ENTPD5: variants seen among roughly 807,000 people sequenced by gnomAD.
The protein encoded by ENTPD5 is nucleoside diphosphate phosphatase ENTPD5.
Under a neutral mutation model 60.2 loss-of-function variants are expected in ENTPD5, and 49 were observed. The observed-to-expected ratio is 0.81, with a 90% CI of 0.65 to 1.03. ENTPD5 has a LOEUF of 1.03. Among genes scored for constraint, ENTPD5 ranks in the 50% least tolerant of loss-of-function variants. The pLI is 0.00. For missense variants in ENTPD5, 480 were observed against 507.6 expected, an observed-to-expected ratio of 0.95 and a Z score of 0.52; for synonymous variants, 187 against 185.4, an observed-to-expected ratio of 1.01 and a Z score of -0.07.
chr14:73,960,112 C>A (rs184295614), downstream of ENTPD5: 2 of 998,778 alleles, frequency 2.0e-6, no homozygotes, highest in Admixed American at 5.4e-5. Flanking sequence ...TTATTTTGAA[C>A]AGTTCTGCTA....
At position 73,963,443 on chromosome 14, in the gene ENTPD5, A is replaced by AAAT; in HGVS notation, c.*3482_*3484dup. On this transcript the variant is annotated 3_prime_UTR_variant, in exon 16 of 16. Coordinates refer to ENST00000334696, the MANE Select transcript of ENTPD5 (RefSeq NM_001249.5). ...AAATGTTAACATCAGAATGCAAATT[A>AAAT]AATATAAATTGCTTTAACCTTTGTT... 2 of 223,844 alleles carry AAAT rather than the reference A, an allele frequency of 8.9e-6. No homozygotes were observed. Among genetic ancestry groups the AAAT allele is most frequent in the Middle Eastern group, 1.7e-3 (1 of 572 alleles). The allele number at this position is 223,844 out of a possible 1,614,324, so 13.9% of individuals were successfully genotyped here.
downstream of ENTPD5, chr14:73,956,007 CA>C (rs753999650): frequency 1.3e-6 from 2 of 1,589,122 alleles, no homozygotes; most frequent in Admixed American, 3.3e-5. Flanking sequence ...ATCTCTTTTA[CA>C]ATATTCAGTG....
chr14:73,974,623 G>A (rs541174009), intron 11 of ENTPD5, among the ~76,000 whole-genome samples: 142 of 152,282 alleles, frequency 9.3e-4, no homozygotes, highest in Non-Finnish European at 1.7e-3. Flanking sequence ...GCTTGAGCAA[G>A]CTCCTGCTGA....
At position 73,973,019 on chromosome 14, in the gene ENTPD5, C is replaced by G. The variant is rs1278772094; in HGVS notation, c.892G>C (p.Val298Leu). 1.2e-6 allele frequency: 2 copies of G among 1,614,124 alleles called. No homozygotes were observed. Among genetic ancestry groups the G allele is most frequent in the Admixed American group, 3.3e-5 (2 of 60,018 alleles). Residue 298 changes from valine to leucine, a missense_variant, in exon 13 of 16, where the codon GTG becomes CTG. Val to Leu is a conservative substitution (Grantham distance 32). Coordinates refer to ENST00000334696, the MANE Select transcript of ENTPD5 (RefSeq NM_001249.5). ...TCGGCATAGCAGGGCTCAAAGCCCA[C>G]CTCCCCTGCCAGGCAAAGGTGCACA... ...YQYGGNQEGE[V>L]GFEPCYAEVL...
At chr14:73,982,926 G>A (rs745383757) in intron 6 of ENTPD5, 92 bp downstream of exon 6, 22 of 1,295,342 alleles carry the variant, frequency 1.7e-5, no homozygotes, top group Non-Finnish European at 2.4e-5. Context: ...GAATACTGAA[G>A]GTAGTGGTCA....
Position 73,965,248 on chromosome 14 carries a change from CT to C in ENTPD5, c.*1679del, listed in dbSNP as rs2056925142. 2 of 152,084 alleles carry C rather than the reference CT, an allele frequency of 1.3e-5. No individual in the cohort carries two copies. The highest frequency in any genetic ancestry group is 1.5e-5 in the Non-Finnish European group (1 of 68,030). The allele number at this position is 152,084 out of a possible 1,614,324, so 9.4% of individuals were successfully genotyped here. On this transcript the variant is annotated 3_prime_UTR_variant, in exon 16 of 16. Transcript: ENST00000334696. ...ATGGACTGTGTGAGGGCCAGGCATA[CT>C]TAACATCCTTTGTGAGAGAGAGGAT...
At chr14:73,983,289 C>T in intron 5 of ENTPD5, 128 bp from the exon 6 acceptor site, 1 of 953,724 alleles carries the variant, frequency 1.0e-6, no homozygotes, top group African/African-American at 1.6e-5. Flanking sequence ...TCTCTCTGCT[C>T]TGTAGCAGGA....
intron 6 of ENTPD5, among the ~76,000 whole-genome samples, chr14:73,982,483 G>A (rs1183650558): frequency 1.3e-5 from 2 of 152,146 alleles, no homozygotes; most frequent in African/African-American, 2.4e-5. Flanking sequence ...TCAGCCAGGT[G>A]CAGCAGCTCA....
At chr14:73,991,574 C>CA (rs1309541403) in intron 3 of ENTPD5, among the ~76,000 whole-genome samples, 2 of 91,270 alleles carry the variant, frequency 2.2e-5, no homozygotes, top group East Asian at 7.2e-4. Flanking sequence ...GAGGACAGAG[C>CA]AAGAATCTGT....
At chr14:73,981,189 A>C (rs2057673574) in intron 6 of ENTPD5, among the ~76,000 whole-genome samples, 1 of 152,036 alleles carries the variant, frequency 6.6e-6, no homozygotes, top group African/African-American at 2.4e-5. Flanking sequence ...TTTGATCTGA[A>C]TAAGAAGGGA....
At position 74,011,092 on chromosome 14, in the gene ENTPD5, A is replaced by G; in HGVS notation, c.-72T>C. 1.2e-6 allele frequency: 1 copy of G among 805,738 alleles called. No homozygotes were observed. The highest frequency in any genetic ancestry group is 1.5e-6 in the Non-Finnish European group (1 of 666,298). The allele number at this position is 805,738 out of a possible 1,614,324, so 49.9% of individuals were successfully genotyped here. A position where few individuals can be genotyped will look rare whatever the true frequency, so the allele number is the denominator to read the frequency against. ...GTATTACTTATATATGTTACTTACC[A>G]ATTTTTTCTTTCCTTCTGAATTTTC... On this transcript the variant is annotated splice_region_variant and 5_prime_UTR_variant, in exon 3 of 16. Transcript: ENST00000334696.
At chr14:73,984,501 G>C (rs904675017) in intron 5 of ENTPD5, among the ~76,000 whole-genome samples, 1 of 152,142 alleles carries the variant, frequency 6.6e-6, no homozygotes, top group Non-Finnish European at 1.5e-5. Context: ...CACAGTAGAT[G>C]CTCAATTTGT....
chr14:73,966,372 C>T lies in ENTPD5; in HGVS notation c.*556G>A, dbSNP rs1374102665. On this transcript the variant is annotated 3_prime_UTR_variant, in exon 16 of 16. Transcript: ENST00000334696. ...TCCTATTAATATTTAGGATGGCTCTCAGCTGGCTGATTGGAGCTAACACAG... is the reference window on the plus strand; with the variant it reads ...TCCTATTAATATTTAGGATGGCTCTTAGCTGGCTGATTGGAGCTAACACAG... 6.6e-6 allele frequency: 1 copy of T among 152,222 alleles called. No homozygotes were observed. Among genetic ancestry groups the T allele is most frequent in the Non-Finnish European group, 1.5e-5 (1 of 68,072 alleles). 9.4% of individuals were successfully genotyped at this position (152,222 alleles called of 1,614,324 possible).
downstream of ENTPD5, chr14:73,959,715 A>G: frequency 8.5e-7 from 1 of 1,174,150 alleles, no homozygotes; most frequent in Non-Finnish European, 1.2e-6. Context: ...GACTACAGGC[A>G]CGTGCCACCA....
chr14:73,976,067 G>T, intron 9 of ENTPD5, 52 bp from the exon 10 acceptor site: 1 of 1,425,202 alleles, frequency 7.0e-7, no homozygotes, highest in South Asian at 1.2e-5. Flanking sequence ...ATTACCTGAA[G>T]ATGTTCACAC....
Position 73,971,841 on chromosome 14 carries a change from CT to C in ENTPD5, c.1084+10del. 1 of 1,597,802 alleles carries C rather than the reference CT, an allele frequency of 6.3e-7. No homozygotes were observed. Among genetic ancestry groups the C allele is most frequent in the Non-Finnish European group, 8.6e-7 (1 of 1,165,098 alleles). Reference sequence around the variant, plus strand: ...ACAGGCTTACCTTCAAGGGCTTCCCCTGACACTTACCTTCCCTGGCTTTTCT... The same window carrying C: ...ACAGGCTTACCTTCAAGGGCTTCCCCGACACTTACCTTCCCTGGCTTTTCT... On this transcript the variant is annotated intron_variant, in intron 14 of 15. Coordinates refer to ENST00000334696, the MANE Select transcript of ENTPD5 (RefSeq NM_001249.5).
chr14:74,004,755 G>C (rs974895753), intron 3 of ENTPD5, among the ~76,000 whole-genome samples: 1 of 152,128 alleles, frequency 6.6e-6, no homozygotes, highest in Non-Finnish European at 1.5e-5. Flanking sequence ...TCCAAGAAGA[G>C]CAGGGCAGAA....
intron 8 of ENTPD5, 55 bp from the exon 9 acceptor site, chr14:73,976,467 TTG>T (rs2057450132): frequency 7.3e-7 from 1 of 1,371,780 alleles, no homozygotes; most frequent in East Asian, 2.3e-5. Flanking sequence ...AGCCCAACAC[TTG>T]TCTCTCTTGC....
downstream of ENTPD5, chr14:73,960,284 CA>C: frequency 1.0e-6 from 1 of 985,854 alleles, no homozygotes; most frequent in Non-Finnish European, 1.2e-6. Context: ...TAAAGACTTT[CA>C]AAATGAGAGA....
Sources: gnomAD v4.1 joint callset for allele counts (sites outside exome capture counted in the v4.1 genomes callset) on GRCh38, gnomAD v4.1.1 for gene constraint, MANE v1.5 for transcripts, NCBI Gene and HGNC (gene_info 2026-07-23, HGNC 2026-07-21) for gene names.